The following ITGA9 variants were observed in gnomAD, a reference collection of about 807,000 sequenced individuals.
ITGA9 encodes the protein integrin alpha-9.
A neutral mutation model predicts 127.8 loss-of-function variants in ITGA9; 56 were observed. The observed-to-expected ratio is 0.44, with a 90% confidence interval of 0.35 to 0.55. The LOEUF (loss-of-function observed/expected upper bound fraction) is 0.55, where lower values mean the gene tolerates loss of function less well. Among genes scored for constraint, ITGA9 ranks in the 20% least tolerant of loss-of-function variants. The pLI, the probability that ITGA9 is intolerant of heterozygous loss-of-function variation, is 0.00. For missense variants in ITGA9, 1,196 were observed against 1,347.1 expected (o/e 0.89, Z 1.76); for synonymous variants, 508 against 514.5 (o/e 0.99, Z 0.17).
intron 15 of ITGA9, among the ~76,000 whole-genome samples, chr3:37,595,430 C>G (rs1699860193): frequency 6.6e-6 from 1 of 152,190 alleles, no homozygotes; most frequent in African/African-American, 2.4e-5. Context: ...AGCAAACAAC[C>G]AAAATTGAAA....
intron 12 of ITGA9, 54 bp from the exon 13 acceptor site, chr3:37,525,972 G>A: frequency 4.0e-6 from 6 of 1,516,764 alleles, no homozygotes; most frequent in South Asian, 3.4e-5. Flanking sequence ...CCCAGGGCGC[G>A]GTTGTGTATG....
chr3:37,700,505 C>T (rs1324605728), intron 18 of ITGA9, among the ~76,000 whole-genome samples: 1 of 152,054 alleles, frequency 6.6e-6, no homozygotes, highest in Non-Finnish European at 1.5e-5. Flanking sequence ...TGCACCACCA[C>T]ACCTGGGTAA....
At chr3:37,743,482 C>G (rs1329462940) in intron 21 of ITGA9, among the ~76,000 whole-genome samples, 1 of 152,172 alleles carries the variant, frequency 6.6e-6, no homozygotes, top group Non-Finnish European at 1.5e-5. Flanking sequence ...TCTTGGCAGT[C>G]TGATAAATTT....
At chr3:37,540,733 C>T (rs60019378) in intron 14 of ITGA9, among the ~76,000 whole-genome samples, 6,135 of 152,226 alleles carry the variant, frequency 0.04, 400 homozygotes, top group African/African-American at 0.14. Flanking sequence ...TCTGAATCTA[C>T]CCTTTTCTTG....
chr3:37,585,318 C>T (rs931629480), intron 15 of ITGA9, among the ~76,000 whole-genome samples: 2 of 152,084 alleles, frequency 1.3e-5, no homozygotes, highest in Non-Finnish European at 2.9e-5. Context: ...CCTTGTTTTT[C>T]CTCTCCTCTG....
intron 8 of ITGA9, among the ~76,000 whole-genome samples, chr3:37,511,136 A>G (rs1041963661): frequency 2.6e-5 from 4 of 152,270 alleles, no homozygotes. Context: ...GAATTTGGTC[A>G]GATAGTTCTG....
chr3:37,478,337 C>T (rs1698516049), intron 3 of ITGA9, among the ~76,000 whole-genome samples: 1 of 152,162 alleles, frequency 6.6e-6, no homozygotes, highest in South Asian at 2.1e-4. Context: ...GCCTTTGTGG[C>T]CGAAGCACCC....
intron 15 of ITGA9, among the ~76,000 whole-genome samples, chr3:37,557,269 T>C (rs750565254): frequency 1.3e-5 from 2 of 152,182 alleles, no homozygotes; most frequent in Non-Finnish European, 2.9e-5. Flanking sequence ...TGTGAGAAAA[T>C]GGTGGCCTCC....
chr3:37,710,745 C>T (rs1403437179), intron 18 of ITGA9, among the ~76,000 whole-genome samples: 1 of 152,148 alleles, frequency 6.6e-6, no homozygotes, highest in East Asian at 1.9e-4. Flanking sequence ...GCATGGTGAC[C>T]CCACTTAATG....
At chr3:37,610,613 C>T (rs1700007337) in intron 15 of ITGA9, among the ~76,000 whole-genome samples, 1 of 152,246 alleles carries the variant, frequency 6.6e-6, no homozygotes, top group East Asian at 1.9e-4. Context: ...ATACCTATGT[C>T]GAGATAATAT....
At chr3:37,519,939 A>G (rs1239411359) in intron 11 of ITGA9, among the ~76,000 whole-genome samples, 1 of 152,196 alleles carries the variant, frequency 6.6e-6, no homozygotes, top group African/African-American at 2.4e-5. Context: ...CAGCAGAAGC[A>G]TTGTCAGGAT....
At chr3:37,557,784 G>A (rs1224802087) in intron 15 of ITGA9, among the ~76,000 whole-genome samples, 1 of 151,990 alleles carries the variant, frequency 6.6e-6, no homozygotes, top group South Asian at 2.1e-4. Flanking sequence ...ACAGAAAATT[G>A]TATCAGAATT....
intron 16 of ITGA9, among the ~76,000 whole-genome samples, chr3:37,643,618 G>C (rs1700352470): frequency 6.6e-6 from 1 of 152,106 alleles, no homozygotes; most frequent in South Asian, 2.1e-4. Flanking sequence ...GTATTATCCT[G>C]TCCTATTGAA....
chr3:37,741,990 C>T (rs1443655160), intron 21 of ITGA9, among the ~76,000 whole-genome samples, 171 bp downstream of exon 21: 1 of 152,256 alleles, frequency 6.6e-6, no homozygotes, highest in Non-Finnish European at 1.5e-5. Flanking sequence ...TCATACACTC[C>T]TCCCTCCTTG....
At chr3:37,454,355 G>T (rs197729) in intron 1 of ITGA9, among the ~76,000 whole-genome samples, 119,062 of 152,186 alleles carry the variant, frequency 0.78, 47,031 homozygotes, top group Middle Eastern at 0.84. Context: ...CAGCCTACTT[G>T]GATTTAAAAC....
chr3:37,603,803 C>T (rs749506866), intron 15 of ITGA9, among the ~76,000 whole-genome samples: 1 of 152,204 alleles, frequency 6.6e-6, no homozygotes, highest in Non-Finnish European at 1.5e-5. Context: ...GGTTCAATTC[C>T]TCACCCAAAG....
chr3:37,715,762 A>C (rs1316756871), intron 18 of ITGA9, among the ~76,000 whole-genome samples: 1 of 152,338 alleles, frequency 6.6e-6, no homozygotes, highest in African/African-American at 2.4e-5. Flanking sequence ...CAGGACCTGG[A>C]AGACCACTTG....
intron 15 of ITGA9, among the ~76,000 whole-genome samples, chr3:37,590,845 A>C (rs1489980753): frequency 1.3e-5 from 2 of 152,140 alleles, no homozygotes; most frequent in Non-Finnish European, 2.9e-5. Flanking sequence ...CGATATGCCT[A>C]CTGTCCCACC....
intron 16 of ITGA9, among the ~76,000 whole-genome samples, chr3:37,634,996 A>T (rs987942932): frequency 6.6e-6 from 1 of 152,240 alleles, no homozygotes; most frequent in Non-Finnish European, 1.5e-5. Context: ...CTGAATGACC[A>T]TTGGGTTAAT....
Sources: gnomAD v4.1 joint callset for allele counts (sites outside exome capture counted in the v4.1 genomes callset) on GRCh38, gnomAD v4.1.1 for gene constraint, MANE v1.5 for transcripts, NCBI Gene and HGNC (gene_info 2026-07-23, HGNC 2026-07-21) for gene names.